The following CLNK variants were observed in gnomAD, a reference collection of about 807,000 sequenced individuals.
The protein encoded by CLNK is cytokine dependent hematopoietic cell linker.
Under a neutral mutation model 68.6 loss-of-function variants are expected in CLNK, and 74 were observed. The ratio of observed to expected loss-of-function variants is 1.08; its 90% confidence interval spans 0.89 to 1.31. The LOEUF (loss-of-function observed/expected upper bound fraction) is 1.31, where lower values mean the gene tolerates loss of function less well. CLNK is among the 50% of genes most tolerant of loss of function. CLNK has a pLI of 0.00. For synonymous variants in CLNK, 198 were observed against 172.2 expected (o/e 1.15, Z -1.17); for missense variants, 553 against 515.3 (o/e 1.07, Z -0.71).
chr4:10,699,490 C>CTATA, the CLNK span, among the ~76,000 whole-genome samples: 6 of 52,184 alleles, frequency 1.1e-4, no homozygotes, highest in South Asian at 7.6e-4. Flanking sequence ...CTCTCTCTCT[C>CTATA]TCTCTATATA....
At chr4:10,520,040 C>CA (rs1484968336) in intron 15 of CLNK, among the ~76,000 whole-genome samples, 1 of 11,690 alleles carries the variant, frequency 8.6e-5, no homozygotes, top group African/African-American at 2.2e-4. Flanking sequence ...GGCTTAAGCC[C>CA]CCTTTTTTTT....
chr4:10,603,488 C>T (rs1481319769), intron 2 of CLNK, among the ~76,000 whole-genome samples: 3 of 152,170 alleles, frequency 2.0e-5, no homozygotes, highest in Non-Finnish European at 4.4e-5. Context: ...AGCACATGTC[C>T]CATCTCCTCA....
chr4:10,648,429 T>C (rs959365071), intron 2 of CLNK, among the ~76,000 whole-genome samples: 2 of 152,212 alleles, frequency 1.3e-5, no homozygotes, highest in African/African-American at 4.8e-5. Context: ...CATTATATCA[T>C]GTAACTCTTA....
At chr4:10,594,258 C>G (rs1721300447) in intron 3 of CLNK, among the ~76,000 whole-genome samples, 1 of 152,152 alleles carries the variant, frequency 6.6e-6, no homozygotes, top group South Asian at 2.1e-4. Context: ...GCTCCTGCAC[C>G]CACCATTTCT....
chr4:10,660,647 T>C (rs540901973), intron 2 of CLNK, among the ~76,000 whole-genome samples: 6 of 152,336 alleles, frequency 3.9e-5, no homozygotes, highest in Admixed American at 3.9e-4. Context: ...TTTGTTCAGC[T>C]GGAAGTTTCC....
In CLNK at chr4:10,488,597, G is replaced by A. The variant is rs926895185; in HGVS notation, c.*1870C>T. On this transcript the variant is annotated 3_prime_UTR_variant, in exon 19 of 19. Transcript: ENST00000226951. ...TCTTGGTTCTATGTAATCCTCTGCA[G>A]GCATACTCTACGATAGGCTCAGCTG... The A allele has an allele frequency of 6.6e-6, 1 of 152,186 alleles. No homozygotes were observed. Among genetic ancestry groups the A allele is most frequent in the Non-Finnish European group, 1.5e-5 (1 of 68,036 alleles). 9.4% of individuals were successfully genotyped at this position (152,186 alleles called of 1,614,324 possible).
intron 1 of CLNK, among the ~76,000 whole-genome samples, chr4:10,672,509 GATTA>G: frequency 6.6e-6 from 1 of 152,148 alleles, no homozygotes; most frequent in Non-Finnish European, 1.5e-5. Flanking sequence ...TGAACTTGAA[GATTA>G]ATTAAATGCC....
rs564425178 is a variant in CLNK, at chr4:10,638,099, G to A, written c.11+29760C>T. On this transcript the variant is annotated intron_variant, in intron 2 of 18. Coordinates refer to ENST00000226951, the MANE Select transcript of CLNK (RefSeq NM_052964.4). ...GCACTGGTCTCCTGAATGTAGCCCC[G>A]AACTGTACCATGTTTTCTACACCAC... 4.6e-5 allele frequency among the ~76,000 whole-genome samples: 7 copies of A among 152,196 alleles called. No individual in the cohort carries two copies. In the South Asian group the frequency reaches 1.2e-3, roughly 27 times the overall value.
At chr4:10,664,120 C>A (rs1309152802) in intron 2 of CLNK, among the ~76,000 whole-genome samples, 1 of 151,942 alleles carries the variant, frequency 6.6e-6, no homozygotes, top group African/African-American at 2.4e-5. Context: ...GTTACAAAGT[C>A]TGCTTAGGAT....
Position 10,615,309 on chromosome 4 carries a change from G to GTCTCT in CLNK, c.12-17265_12-17261dup, listed in dbSNP as rs1258118803. ...AGCCAGGCCAACATGGCAAAACCCT[G>GTCTCT]TCTCTACTAAAAAATACACAAATTA... is the stretch of plus-strand genomic sequence containing the variant. On this transcript the variant is annotated intron_variant, in intron 2 of 18. Coordinates refer to ENST00000226951, the MANE Select transcript of CLNK (RefSeq NM_052964.4). Among the ~76,000 whole-genome samples, 9 of 152,270 alleles carry GTCTCT rather than the reference G, an allele frequency of 5.9e-5. No homozygotes were observed. The East Asian group carries it at 1.7e-3, about 29-fold the overall frequency.
intron 2 of CLNK, among the ~76,000 whole-genome samples, chr4:10,626,366 C>T (rs1646523340): frequency 6.6e-6 from 1 of 152,114 alleles, no homozygotes; most frequent in Non-Finnish European, 1.5e-5. Flanking sequence ...TTCGTTGACC[C>T]ACATCAACTC....
intron 2 of CLNK, among the ~76,000 whole-genome samples, chr4:10,633,576 C>A (rs1722969990): frequency 6.6e-6 from 1 of 152,184 alleles, no homozygotes; most frequent in African/African-American, 2.4e-5. Flanking sequence ...CATGCCTAAT[C>A]CAGGAACATC....
chr4:10,593,474 G>A (rs191370461), intron 3 of CLNK, among the ~76,000 whole-genome samples: 5 of 152,172 alleles, frequency 3.3e-5, no homozygotes, highest in Admixed American at 3.3e-4. Context: ...GGCTAATATG[G>A]CGAAACCCCA....
intron 2 of CLNK, among the ~76,000 whole-genome samples, chr4:10,613,848 C>T (rs1722127296): frequency 6.7e-6 from 1 of 149,752 alleles, no homozygotes; most frequent in Admixed American, 6.6e-5. Context: ...TCCCTTGTTC[C>T]ATCCTGAATA....
chr4:10,671,377 A>C (rs1253597739), intron 1 of CLNK, among the ~76,000 whole-genome samples: 1 of 85,918 alleles, frequency 1.2e-5, no homozygotes, highest in African/African-American at 3.6e-5. Context: ...CAAGAGTGAA[A>C]CTCTATCTAA....
At chr4:10,710,838 A>G in the CLNK span, among the ~76,000 whole-genome samples, 2 of 152,310 alleles carry the variant, frequency 1.3e-5, no homozygotes, top group South Asian at 2.1e-4. Context: ...AATTTTTTGT[A>G]CAGTCCTCTT....
intron 14 of CLNK, among the ~76,000 whole-genome samples, chr4:10,522,023 C>A (rs951455352): frequency 6.6e-6 from 1 of 152,138 alleles, no homozygotes; most frequent in Non-Finnish European, 1.5e-5. Context: ...CTTTGGGAGG[C>A]TGAGGCAGGC....
chr4:10,530,527 T>A (rs1025302878), intron 12 of CLNK, among the ~76,000 whole-genome samples: 1 of 152,226 alleles, frequency 6.6e-6, no homozygotes, highest in African/African-American at 2.4e-5. Flanking sequence ...TAGACCTTCT[T>A]GTTCTTTAGA....
chr4:10,728,269 A>T, the CLNK span, among the ~76,000 whole-genome samples: 1 of 152,184 alleles, frequency 6.6e-6, no homozygotes, highest in Non-Finnish European at 1.5e-5. Context: ...CTCCCCAAAA[A>T]CAATATTTGC....
Sources: allele counts gnomAD v4.1 joint callset (sites outside exome capture counted in the v4.1 genomes callset), GRCh38; gene constraint gnomAD v4.1.1; transcripts MANE v1.5; gene names NCBI Gene and HGNC (gene_info 2026-07-23, HGNC 2026-07-21).